Variants in TULP2 observed in about 807,000 individuals in gnomAD.
TULP2 encodes tubby-related protein 2.
A neutral mutation model predicts 60.3 loss-of-function variants in TULP2; 64 were observed. That is an observed-to-expected ratio of 1.06 (90% confidence interval 0.87 to 1.31). The LOEUF (loss-of-function observed/expected upper bound fraction) is 1.31, where lower values mean the gene tolerates loss of function less well. TULP2 is among the 50% of genes most tolerant of loss of function. TULP2 has a pLI of 0.00. For missense variants in TULP2, 652 were observed against 667.0 expected (o/e 0.98, Z 0.25); for synonymous variants, 267 against 265.4 (o/e 1.01, Z -0.06).
chr19:48,895,230 C>T, intron 5 of TULP2, 68 bp from the exon 6 acceptor site: 1 of 1,579,066 alleles, frequency 6.3e-7, no homozygotes, highest in Non-Finnish European at 8.6e-7. Context: ...AGGACCTGAA[C>T]TCCTTGGTGT....
At chr19:48,895,215 G>A (rs1157754081) in intron 5 of TULP2, 53 bp from the exon 6 acceptor site, 19 of 1,593,004 alleles carry the variant, frequency 1.2e-5, no homozygotes, top group Non-Finnish European at 1.5e-5. Context: ...AGGAGGAGGC[G>A]GCTCAGGACC....
chr19:48,895,267 C>T (rs2037267840), intron 5 of TULP2, 99 bp downstream of exon 5: 1 of 1,575,150 alleles, frequency 6.3e-7, no homozygotes, highest in African/African-American at 1.4e-5. Context: ...CGGTCCTGAG[C>T]TCCTGAGTAT....
At chr19:48,892,213 C>G (rs977005657) in intron 6 of TULP2, among the ~76,000 whole-genome samples, 1 of 152,228 alleles carries the variant, frequency 6.6e-6, no homozygotes, top group Non-Finnish European at 1.5e-5. Context: ...TCCCTTCCCA[C>G]GAGGCCATAT....
Position 48,893,252 on chromosome 19 carries a change from C to G in TULP2, c.514+1746G>C, listed in dbSNP as rs1009730518. On this transcript the variant is annotated intron_variant, in intron 6 of 12. Transcript: ENST00000221399. ...GAGCATGGTGGCACGCGCCTGTAAC[C>G]CCAGCTACTCGGGAGGCTGAGGCAG... Among the ~76,000 whole-genome samples the G allele has an allele frequency of 2.0e-5, 3 of 151,974 alleles. No homozygotes were observed. The East Asian group carries it at 5.8e-4, about 30-fold the overall frequency.
chr19:48,889,938 G>A (rs1024520451), intron 6 of TULP2, among the ~76,000 whole-genome samples: 1 of 152,170 alleles, frequency 6.6e-6, no homozygotes, highest in Admixed American at 6.5e-5. Context: ...GCGGAAGGGC[G>A]CAGGGACCTC....
At position 48,897,758 on chromosome 19, in the gene TULP2, G is replaced by T; in HGVS notation, c.32+79C>A. 6.8e-7 allele frequency: 1 copy of T among 1,466,830 alleles called. No individual in the cohort carries two copies. Among genetic ancestry groups the T allele is most frequent in the Non-Finnish European group, 9.5e-7 (1 of 1,047,574 alleles). The allele number at this position is 1,466,830 out of a possible 1,614,324, so 90.9% of individuals were successfully genotyped here. A position where few individuals can be genotyped will look rare whatever the true frequency, so the allele number is the denominator to read the frequency against. ...CCGATGGTGCTGAACCTGCAAACAT[G>T]GTTATGAAGCCAGAGCCGAGTGCAC... is the stretch of plus-strand genomic sequence containing the variant. On this transcript the variant is annotated intron_variant, in intron 2 of 12. Transcript: ENST00000221399. This position sits in a 1 kb window ranked among gnomAD's most constrained non-coding sequence, Gnocchi z 4.0.
chr19:48,885,695 C>G (rs1170611616), intron 8 of TULP2, 135 bp from the exon 9 acceptor site: 1 of 648,158 alleles, frequency 1.5e-6, no homozygotes. Context: ...ACCAGCCTGG[C>G]CAACATGGTG....
At position 48,896,507 on chromosome 19, in the gene TULP2, A is replaced by G; in HGVS notation, c.134T>C (p.Met45Thr). 2 of 1,608,490 alleles carry G rather than the reference A, an allele frequency of 1.2e-6. No individual in the cohort carries two copies. The highest frequency in any genetic ancestry group is 1.7e-6 in the Non-Finnish European group (2 of 1,177,622). The change falls in exon 4 of 13, where the codon ATG becomes ACG. Residue 45 changes from methionine (M) to threonine (T), a missense_variant. Met to Thr is a moderately conservative substitution (Grantham distance 81). Coordinates refer to ENST00000221399, the MANE Select transcript of TULP2 (RefSeq NM_003323.3). The part of the protein sequence containing the change: ...KQRQKRQELL[M>T]VQANPDASPW... ...GGAAGCGTCAGGATTGGCCTGAACCATGAGGAGCTCCTGGCGCTTCTGTCG... is the reference window on the plus strand; with the variant it reads ...GGAAGCGTCAGGATTGGCCTGAACCGTGAGGAGCTCCTGGCGCTTCTGTCG...
rs1357049736 is a variant in TULP2 at position 48,881,947 on chromosome 19, T to A, written c.1447+85A>T. The A allele has an allele frequency of 1.5e-5, 24 of 1,580,276 alleles. No individual in the cohort carries two copies. The East Asian group carries it at 4.7e-4, about 31-fold the overall frequency. The stretch of plus-strand genomic sequence containing the variant: ...TGCCCTGCCTAGAAAAACGCTCAAG[T>A]GATGATGGGAGATGTAGTTCCCTTC... On this transcript the variant is annotated intron_variant, in intron 12 of 12. Coordinates refer to ENST00000221399, the MANE Select transcript of TULP2 (RefSeq NM_003323.3).
chr19:48,888,104 C>T lies in TULP2; in HGVS notation c.794G>A (p.Cys265Tyr). The stretch of plus-strand genomic sequence containing the variant: ...TTCCATGTCCTCCTCCAGCCCAGGG[C>T]AGGGGGAGCGGATTGCCAAGGAGGC... ...HEASLAIRSPCPGLEEDMEAY... is the reference protein window; with the variant it reads ...HEASLAIRSPYPGLEEDMEAY... The change falls in exon 8 of 13, where the codon TGC becomes TAC. Residue 265 changes from cysteine to tyrosine, a missense_variant. By Grantham distance (194) the Cys-to-Tyr change is radical. Coordinates refer to ENST00000221399, the MANE Select transcript of TULP2 (RefSeq NM_003323.3). 2 of 1,614,198 alleles carry T rather than the reference C, an allele frequency of 1.2e-6. No individual in the cohort carries two copies. Among genetic ancestry groups the T allele is most frequent in the Non-Finnish European group, 8.5e-7 (1 of 1,180,020 alleles).
intron 11 of TULP2, among the ~76,000 whole-genome samples, chr19:48,882,513 A>G: frequency 6.6e-6 from 1 of 152,102 alleles, no homozygotes; most frequent in South Asian, 2.1e-4. Flanking sequence ...GAAAGGGTAC[A>G]CTCACCAGGA....
rs1241173438 is a variant in TULP2 at position 48,889,500 on chromosome 19, A to C, written c.636+10T>G. 1 of 1,568,648 alleles carries C rather than the reference A, an allele frequency of 6.4e-7. No individual in the cohort carries two copies. Among genetic ancestry groups the C allele is most frequent in the South Asian group, 1.2e-5 (1 of 86,634 alleles). ...CTTCCAATATCCTGAGTGATTGTGC[A>C]TTTTCCTACCTTTTGGAAGGCCAAG... On this transcript the variant is annotated intron_variant, in intron 7 of 12. Coordinates refer to ENST00000221399, the MANE Select transcript of TULP2 (RefSeq NM_003323.3).
chr19:48,888,264 A>G lies in TULP2; in HGVS notation c.637-3T>C. On this transcript the variant is annotated splice_polypyrimidine_tract_variant and splice_region_variant and intron_variant, in intron 7 of 12. Transcript: ENST00000221399. ...CTCTTCTTTTCCAAGTCTTCTTCCT[A>G]GCCCAGGCACCAAATTTAAAGTCGA... The G allele has an allele frequency of 6.3e-7, 1 of 1,578,358 alleles. No individual in the cohort carries two copies. Among genetic ancestry groups the G allele is most frequent in the Non-Finnish European group, 8.6e-7 (1 of 1,158,320 alleles).
intron 6 of TULP2, among the ~76,000 whole-genome samples, chr19:48,893,409 A>G (rs2037251467): frequency 6.6e-6 from 1 of 152,042 alleles, no homozygotes; most frequent in Non-Finnish European, 1.5e-5. Context: ...AAGAAGCCAC[A>G]TACAAAAGAC....
intron 8 of TULP2, among the ~76,000 whole-genome samples, chr19:48,885,826 A>C (rs536650017): frequency 1.3e-5 from 2 of 152,272 alleles, no homozygotes; most frequent in South Asian, 4.2e-4. Context: ...CAGAGGTTGC[A>C]GTGAGCTGAG....
intron 6 of TULP2, 56 bp downstream of exon 6, chr19:48,894,942 G>A: frequency 6.4e-7 from 1 of 1,559,616 alleles, no homozygotes; most frequent in East Asian, 2.2e-5. Flanking sequence ...GAAAGGGGAA[G>A]ATTTGCTGCA....
At chr19:48,887,853 C>A in intron 8 of TULP2, 97 bp downstream of exon 8, 1 of 1,365,652 alleles carries the variant, frequency 7.3e-7, no homozygotes. Context: ...CCACTGTGCC[C>A]AGCCCCAGGC....
Position 48,895,059 on chromosome 19 carries a change from G to C in TULP2, c.453C>G (p.Pro151=), listed in dbSNP as rs893236682. 1.2e-6 allele frequency: 2 copies of C among 1,614,020 alleles called. No individual in the cohort carries two copies. The highest frequency in any genetic ancestry group is 1.3e-5 in the African/African-American group (1 of 74,912). Residue 151 remains proline, a synonymous_variant, in exon 6 of 13, where the codon CCC becomes CCG. Transcript: ENST00000221399. ...EVSVENGSVS[P]PPFKQSPRIR... is the part of the protein sequence containing the mutation. ...TTCTCGGAGACTGTTTAAAAGGTGG[G>C]GGAGAGACGGAACCATTCTCCACGG...
At chr19:48,892,261 C>G (rs1239013081) in intron 6 of TULP2, among the ~76,000 whole-genome samples, 1 of 152,196 alleles carries the variant, frequency 6.6e-6, no homozygotes, top group Non-Finnish European at 1.5e-5. Context: ...TGGACAATGC[C>G]CAGGCTTCCT....
Sources: allele counts gnomAD v4.1 joint callset (sites outside exome capture counted in the v4.1 genomes callset), GRCh38; gene constraint gnomAD v4.1.1; non-coding constraint Gnocchi (gnomAD v3.1); transcripts MANE v1.5; gene names NCBI Gene and HGNC (gene_info 2026-07-23, HGNC 2026-07-21).